HYCC2: variants seen among roughly 807,000 people sequenced by gnomAD.
HYCC2 encodes hyccin PI4KA lipid kinase complex subunit 2.
the HYCC2 span, chr2:201,023,807 A>T: frequency 1.4e-5 from 8 of 560,112 alleles, no homozygotes; most frequent in East Asian, 1.8e-4. Flanking sequence ...AATTACAGAA[A>T]CACGTTATTT....
chr2:200,985,482 A>G, the HYCC2 span, among the ~76,000 whole-genome samples: 1 of 152,062 alleles, frequency 6.6e-6, no homozygotes, highest in Non-Finnish European at 1.5e-5. Flanking sequence ...ACAACATGGC[A>G]AAACCCCATC....
chr2:200,976,544 A>G, the HYCC2 span: 5 of 152,200 alleles, frequency 3.3e-5, no homozygotes, highest in Admixed American at 3.3e-4. Flanking sequence ...AATATTCACA[A>G]AAGTGGTGCA....
At chr2:201,055,607 G>C in the HYCC2 span, among the ~76,000 whole-genome samples, 1 of 152,094 alleles carries the variant, frequency 6.6e-6, no homozygotes, top group African/African-American at 2.4e-5. Context: ...ACTGAGGTGA[G>C]AGGATCACTT....
chr2:200,988,453 A>C, the HYCC2 span: 1 of 1,551,746 alleles, frequency 6.4e-7, no homozygotes, highest in Non-Finnish European at 8.8e-7. Flanking sequence ...ATACAAGTTT[A>C]CAATCAATAT....
At chr2:201,009,711 C>T in the HYCC2 span, among the ~76,000 whole-genome samples, 52 of 151,984 alleles carry the variant, frequency 3.4e-4, no homozygotes, top group African/African-American at 1.2e-3. Context: ...CCACCCACCT[C>T]GGCCTCCCAA....
At chr2:201,027,720 A>G in the HYCC2 span, among the ~76,000 whole-genome samples, 1 of 152,198 alleles carries the variant, frequency 6.6e-6, no homozygotes, top group East Asian at 1.9e-4. Context: ...AAACCACATG[A>G]TTATCTCAAT....
chr2:200,996,475 A>T, the HYCC2 span: 4 of 152,198 alleles, frequency 2.6e-5, no homozygotes, highest in Non-Finnish European at 4.4e-5. Context: ...TAAAAAAAAA[A>T]AATAGCCCAG....
At chr2:201,049,993 C>A in the HYCC2 span, among the ~76,000 whole-genome samples, 9 of 152,016 alleles carry the variant, frequency 5.9e-5, no homozygotes, top group Non-Finnish European at 1.3e-4. Context: ...AGCCACTGCA[C>A]CTGGCCTAAA....
the HYCC2 span, chr2:200,979,544 T>A: frequency 6.6e-6 from 1 of 151,790 alleles, no homozygotes; most frequent in African/African-American, 2.4e-5. Context: ...AAAAAAGGCG[T>A]TTTTTCTGGT....
At chr2:200,975,061 T>C in the HYCC2 span, 1 of 151,970 alleles carries the variant, frequency 6.6e-6, no homozygotes, top group Non-Finnish European at 1.5e-5. Context: ...GTAGGATCCT[T>C]AATTTAAGGA....
At chr2:201,000,517 T>G in the HYCC2 span, among the ~76,000 whole-genome samples, 1 of 152,110 alleles carries the variant, frequency 6.6e-6, no homozygotes, top group African/African-American at 2.4e-5. Context: ...AATACCAGAA[T>G]GCCATATCAC....
the HYCC2 span, among the ~76,000 whole-genome samples, chr2:200,988,990 G>C: frequency 1.3e-5 from 2 of 152,224 alleles, no homozygotes; most frequent in East Asian, 3.8e-4. Context: ...GTGGAATTAA[G>C]CAGCCTGGAT....
the HYCC2 span, among the ~76,000 whole-genome samples, chr2:200,989,353 T>C: frequency 3.3e-5 from 5 of 152,330 alleles, no homozygotes; most frequent in East Asian, 3.9e-4. Context: ...AAGGTACTAC[T>C]ATGATGATAT....
chr2:201,004,655 C>CA, the HYCC2 span, among the ~76,000 whole-genome samples: 1 of 152,152 alleles, frequency 6.6e-6, no homozygotes, highest in African/African-American at 2.4e-5. Flanking sequence ...GTAAAAGGAC[C>CA]AGAAGATATT....
the HYCC2 span, among the ~76,000 whole-genome samples, chr2:201,064,540 G>A: frequency 1.3e-5 from 2 of 152,120 alleles, no homozygotes; most frequent in African/African-American, 2.4e-5. Context: ...GGAAACCTTG[G>A]TGTAGTTGAA....
At chr2:200,980,294 T>G in the HYCC2 span, 1 of 152,522 alleles carries the variant, frequency 6.6e-6, no homozygotes, top group Non-Finnish European at 1.5e-5. Flanking sequence ...GAAGATGTAC[T>G]GTTACACTTC....
chr2:200,984,842 A>T, the HYCC2 span, among the ~76,000 whole-genome samples: 1 of 152,230 alleles, frequency 6.6e-6, no homozygotes, highest in Non-Finnish European at 1.5e-5. Flanking sequence ...ATGAATCTTA[A>T]GGAGGCTGGC....
the HYCC2 span, among the ~76,000 whole-genome samples, chr2:200,994,751 A>G: frequency 6.6e-6 from 1 of 152,078 alleles, no homozygotes; most frequent in Non-Finnish European, 1.5e-5. Flanking sequence ...CTGTAATCCC[A>G]GTACTCTGGG....
the HYCC2 span, among the ~76,000 whole-genome samples, chr2:201,048,156 A>G: frequency 6.6e-6 from 1 of 152,160 alleles, no homozygotes; most frequent in Non-Finnish European, 1.5e-5. Context: ...GTTGTGTGAC[A>G]CTAGTAATAG....
Sources: gnomAD v4.1 joint callset for allele counts (sites outside exome capture counted in the v4.1 genomes callset) on GRCh38, gnomAD v4.1.1 for gene constraint, MANE v1.5 for transcripts, NCBI Gene and HGNC (gene_info 2026-07-23, HGNC 2026-07-21) for gene names.